The following ZFHX3 variants were observed in gnomAD, a reference collection of about 807,000 sequenced individuals.
The protein encoded by ZFHX3 is zinc finger homeobox protein 3.
In ZFHX3, 42 loss-of-function variants were observed where a neutral mutation model predicts 279.1. The observed-to-expected ratio is 0.15, with a 90% CI of 0.12 to 0.19. The LOEUF (loss-of-function observed/expected upper bound fraction) is 0.19. ZFHX3 is among the 10% of genes least tolerant of loss of function. The pLI, the probability that ZFHX3 is intolerant of heterozygous loss-of-function variation, is 1.00. For missense variants in ZFHX3, 4,981 were observed against 4,754.0 expected (o/e 1.05, Z -1.40); for synonymous variants, 2,293 against 1,957.8 (o/e 1.17, Z -4.52).
At chr16:73,084,994 A>C (rs570924916) in intron 8 of ZFHX3, among the ~76,000 whole-genome samples, 1 of 152,304 alleles carries the variant, frequency 6.6e-6, no homozygotes, top group South Asian at 2.1e-4. Flanking sequence ...TTACAGACTC[A>C]ATGCAACCCT....
Position 73,494,638 on chromosome 16 carries a change from G to A in ZFHX3, c.-1546-38380C>T, listed in dbSNP as rs550794342. Among the ~76,000 whole-genome samples, 26 of 151,892 alleles carry A rather than the reference G, an allele frequency of 1.7e-4. 1 individual carries two copies. Among genetic ancestry groups the A allele is most frequent in the Non-Finnish European group, 2.9e-5 (2 of 67,934 alleles). On this transcript the variant is annotated intron_variant, in intron 2 of 17. Coordinates refer to the ZFHX3 transcript ENST00000641206. ...TGCAATGGTGTGATCTCGGCTCACC[G>A]CAACCTCCGCCCACGGGTTCAAGCG...
intron 1 of ZFHX3, chr16:73,006,048 GA>G (rs1182340973): frequency 6.6e-6 from 1 of 152,184 alleles, no homozygotes; most frequent in Non-Finnish European, 1.5e-5. Context: ...GGGCCACTAG[GA>G]AGACAGTAAC....
intron 2 of ZFHX3, among the ~76,000 whole-genome samples, chr16:73,460,756 C>A (rs1449884905): frequency 6.6e-6 from 1 of 152,204 alleles, no homozygotes; most frequent in Non-Finnish European, 1.5e-5. Context: ...TTAGCACCAT[C>A]CACTTTGTGC....
chr16:72,960,261 G>C (rs1961511078), intron 1 of ZFHX3, 67 bp from the exon 2 acceptor site: 1 of 1,313,380 alleles, frequency 7.6e-7, no homozygotes, highest in East Asian at 2.5e-5. Flanking sequence ...AAAGAGGTTA[G>C]GAGGGCCGAG....
chr16:73,120,350 C>T lies in ZFHX3; in HGVS notation c.-897+10618G>A, dbSNP rs140353494. Among the ~76,000 whole-genome samples, 1,330 of 151,714 alleles carry T rather than the reference C, an allele frequency of 8.8e-3. 25 individuals are homozygous for T. Among genetic ancestry groups the T allele is most frequent in the African/African-American group, 0.03 (1,243 of 41,416 alleles). The stretch of plus-strand genomic sequence containing the variant: ...GTGCAATCATAGCTCATTGCAGCCT[C>T]AAACTCCGAGGCTCAAATGATCCTC... On this transcript the variant is annotated intron_variant, in intron 7 of 17. Coordinates refer to the ZFHX3 transcript ENST00000641206.
At chr16:73,374,543 C>T (rs1046630570) in intron 3 of ZFHX3, among the ~76,000 whole-genome samples, 4 of 152,240 alleles carry the variant, frequency 2.6e-5, no homozygotes, top group African/African-American at 9.6e-5. Flanking sequence ...ACCATGATCA[C>T]ACCTAAAAAG....
intron 3 of ZFHX3, among the ~76,000 whole-genome samples, chr16:72,909,441 C>T (rs926071173): frequency 1.3e-5 from 2 of 152,158 alleles, no homozygotes; most frequent in Non-Finnish European, 2.9e-5. Context: ...TGACCTAAAA[C>T]CCCGTAACAA....
chr16:72,824,382 T>C (rs1008037356), intron 5 of ZFHX3, among the ~76,000 whole-genome samples: 6 of 152,214 alleles, frequency 3.9e-5, no homozygotes, highest in African/African-American at 1.2e-4. Flanking sequence ...GTGAGCATCA[T>C]AGATTTAAAA....
chr16:72,889,491 A>T (rs1358721187), intron 4 of ZFHX3, among the ~76,000 whole-genome samples: 1 of 139,978 alleles, frequency 7.1e-6, no homozygotes, highest in Non-Finnish European at 1.5e-5. Flanking sequence ...TTCCTTTAAA[A>T]AAAAAAAAAA....
intron 3 of ZFHX3, among the ~76,000 whole-genome samples, chr16:72,910,682 CA>C (rs1030287763): frequency 1.3e-5 from 2 of 152,126 alleles, no homozygotes; most frequent in Non-Finnish European, 2.9e-5. Flanking sequence ...GAGAAGCCTG[CA>C]GGTGGGAGCT....
intron 2 of ZFHX3, among the ~76,000 whole-genome samples, chr16:73,649,625 A>G (rs902771430): frequency 1.3e-5 from 2 of 152,222 alleles, no homozygotes; most frequent in Non-Finnish European, 2.9e-5. Flanking sequence ...TTCTACCTAT[A>G]GACTTACAGA....
rs550702576 is a variant in ZFHX3 at position 72,795,222 on chromosome 16, G to A, written c.7460C>T (p.Ala2487Val). The A allele has an allele frequency of 5.6e-6, 9 of 1,608,314 alleles. No individual in the cohort carries two copies. Among genetic ancestry groups the A allele is most frequent in the Middle Eastern group, 1.7e-4 (1 of 6,012 alleles). Residue 2487 changes from alanine (A) to valine (V), a missense_variant, in exon 9 of 10, where the codon GCG (alanine) becomes GTG (valine). Physicochemically the swap from Ala to Val is moderately conservative, Grantham distance 64. This residue lies in a region of ZFHX3 where 744 missense variants were observed against 701.3 expected (regional missense o/e 1.06). Transcript: ENST00000268489. ...LPSLPQPPPQ[A>V]PPPQCPLPQS... ...GGGTAAGGGGCACTGTGGAGGGGGCGCTTGTGGAGGAGGCTGTGGCAACGA... is the reference window on the plus strand; with the variant it reads ...GGGTAAGGGGCACTGTGGAGGGGGCACTTGTGGAGGAGGCTGTGGCAACGA...
chr16:73,812,458 C>T (rs150347580), intron 1 of ZFHX3, among the ~76,000 whole-genome samples: 2 of 152,306 alleles, frequency 1.3e-5, no homozygotes, highest in Non-Finnish European at 2.9e-5. Context: ...TGCAAACTGA[C>T]TGCATTCGTT....
intron 4 of ZFHX3, among the ~76,000 whole-genome samples, chr16:72,870,163 G>T (rs566363890): frequency 6.6e-6 from 1 of 150,408 alleles, no homozygotes; most frequent in Non-Finnish European, 1.5e-5. Flanking sequence ...AGGCCAAAGC[G>T]GGCAGATTGC....
intron 5 of ZFHX3, among the ~76,000 whole-genome samples, chr16:73,243,711 T>G (rs76953677): frequency 6.6e-6 from 1 of 151,948 alleles, no homozygotes; most frequent in Admixed American, 6.6e-5. Flanking sequence ...AGACAAAAAA[T>G]CACAACAAAT....
At chr16:73,472,344 C>T (rs1377671399) in intron 2 of ZFHX3, among the ~76,000 whole-genome samples, 1 of 151,240 alleles carries the variant, frequency 6.6e-6, no homozygotes, top group African/African-American at 2.4e-5. Context: ...CATGGTGGCA[C>T]GATGTGAAGT....
Position 72,950,541 on chromosome 16 carries a change from G to A in ZFHX3, c.3144C>T (p.Tyr1048=), listed in dbSNP as rs200814965. Residue 1048 remains tyrosine, a synonymous_variant, in exon 3 of 10, where the codon TAC becomes TAT. Coordinates refer to ENST00000268489, the MANE Select transcript of ZFHX3 (RefSeq NM_006885.4). ...GCCGCAGCTTCTCCAGGCTGTTGGT[G>A]TAGTAGTCACAGGCGTTGCACTTGA... is the stretch of plus-strand genomic sequence containing the variant. ...VHLKCNACDY[Y]TNSLEKLRLH... 5.8e-5 allele frequency: 94 copies of A among 1,614,268 alleles called. No homozygotes were observed. The highest frequency in any genetic ancestry group is 7.6e-5 in the Non-Finnish European group (90 of 1,180,052).
At chr16:72,966,221 G>C (rs1961830794) in intron 1 of ZFHX3, among the ~76,000 whole-genome samples, 1 of 151,998 alleles carries the variant, frequency 6.6e-6, no homozygotes, top group African/African-American at 2.4e-5. Flanking sequence ...CCAGACTCGA[G>C]GGAACAATTA....
intron 4 of ZFHX3, among the ~76,000 whole-genome samples, chr16:72,883,100 A>G (rs2038535486): frequency 6.6e-6 from 1 of 150,668 alleles, no homozygotes; most frequent in Non-Finnish European, 1.5e-5. Flanking sequence ...GGATGGACTA[A>G]GACAAGGAAT....
Sources: allele counts gnomAD v4.1 joint callset (sites outside exome capture counted in the v4.1 genomes callset), GRCh38; gene constraint gnomAD v4.1.1; regional missense constraint gnomAD v4.1.1; transcripts MANE v1.5; gene names NCBI Gene and HGNC (gene_info 2026-07-23, HGNC 2026-07-21).